Variants in ZDHHC7 observed in about 807,000 individuals in gnomAD.
The protein encoded by ZDHHC7 is zDHHC palmitoyltransferase 7, also known as palmitoyltransferase ZDHHC7.
A neutral mutation model predicts 34.1 loss-of-function variants in ZDHHC7; 12 were observed. That is an observed-to-expected ratio of 0.35 (90% CI 0.23 to 0.57). The LOEUF (loss-of-function observed/expected upper bound fraction) is 0.57. Ranked by LOEUF, ZDHHC7 falls within the 20% of genes least tolerant of loss-of-function variation. The pLI is 0.84. For synonymous variants in ZDHHC7, 185 were observed against 155.4 expected (o/e 1.19, Z -1.42); for missense variants, 388 against 402.7 (o/e 0.96, Z 0.31).
chr16:85,014,995 C>A (rs917269737), upstream of ZDHHC7, among the ~76,000 whole-genome samples: 2 of 151,996 alleles, frequency 1.3e-5, no homozygotes, highest in African/African-American at 4.8e-5. Context: ...GAGTTATTAT[C>A]TAAAGACCTG....
chr16:84,989,992 C>T (rs13333498), intron 3 of ZDHHC7, among the ~76,000 whole-genome samples: 2,955 of 152,198 alleles, frequency 0.019, 93 homozygotes, highest in African/African-American at 0.067. Flanking sequence ...AAGATCTGTA[C>T]GATCGGCCCG....
intron 4 of ZDHHC7, among the ~76,000 whole-genome samples, 198 bp downstream of exon 4, chr16:84,981,672 A>G (rs541035638): frequency 3.9e-5 from 6 of 152,300 alleles, no homozygotes; most frequent in East Asian, 3.9e-4. Context: ...CCAGCTCCCA[A>G]AAAGACTCTA....
chr16:85,013,989 A>G (rs1224016094), upstream of ZDHHC7, among the ~76,000 whole-genome samples: 2 of 152,100 alleles, frequency 1.3e-5, no homozygotes, highest in Non-Finnish European at 2.9e-5. Context: ...CACTCAGCCT[A>G]ATTTGTCTTT....
chr16:85,002,015 A>C (rs116927982), intron 1 of ZDHHC7, among the ~76,000 whole-genome samples: 1 of 152,164 alleles, frequency 6.6e-6, no homozygotes, highest in East Asian at 1.9e-4. Context: ...TCATGGGGAC[A>C]GGTGGGCTCA....
intron 3 of ZDHHC7, among the ~76,000 whole-genome samples, chr16:84,989,916 C>G (rs1215673547): frequency 1.3e-5 from 2 of 152,084 alleles, no homozygotes; most frequent in Non-Finnish European, 2.9e-5. Context: ...AGCTGCTGGG[C>G]GTCTCCTCCG....
the ZDHHC7 span, among the ~76,000 whole-genome samples, chr16:85,021,096 C>T: frequency 6.7e-6 from 1 of 149,968 alleles, no homozygotes; most frequent in South Asian, 2.1e-4. Flanking sequence ...CAGAGCAAGA[C>T]CCTCTCTTAA....
intron 2 of ZDHHC7, among the ~76,000 whole-genome samples, chr16:84,991,962 G>C (rs1438957128): frequency 3.9e-5 from 6 of 152,004 alleles, no homozygotes; most frequent in African/African-American, 1.4e-4. Flanking sequence ...CACTTTGGGA[G>C]GTCAGGAGTT....
chr16:84,999,611 G>A (rs764401595), intron 1 of ZDHHC7, among the ~76,000 whole-genome samples: 13 of 152,094 alleles, frequency 8.5e-5, no homozygotes, highest in Non-Finnish European at 8.8e-5. Flanking sequence ...AGCCAGACAC[G>A]GAAGAATATA....
At chr16:85,014,808 G>A (rs980803942), upstream of ZDHHC7, among the ~76,000 whole-genome samples, 2 of 152,090 alleles carry the variant, frequency 1.3e-5, no homozygotes, top group Admixed American at 6.5e-5. Flanking sequence ...AAGGTGGTTG[G>A]GTCACAGTTT....
At chr16:85,017,265 G>C in the ZDHHC7 span, among the ~76,000 whole-genome samples, 1 of 152,208 alleles carries the variant, frequency 6.6e-6, no homozygotes. Context: ...ATATGAAAGT[G>C]CTCATTCTCA....
intron 3 of ZDHHC7, among the ~76,000 whole-genome samples, chr16:84,989,078 G>A (rs961237296): frequency 6.6e-6 from 1 of 152,202 alleles, no homozygotes; most frequent in African/African-American, 2.4e-5. Context: ...GAAATGACAA[G>A]ACAGGCTTTA....
At chr16:85,023,804 G>A in the ZDHHC7 span, among the ~76,000 whole-genome samples, 1 of 151,842 alleles carries the variant, frequency 6.6e-6, no homozygotes, top group Non-Finnish European at 1.5e-5. Flanking sequence ...ATTTTTGGTA[G>A]AGACGGGGTT....
intron 1 of ZDHHC7, among the ~76,000 whole-genome samples, chr16:85,003,251 G>A (rs2072675551): frequency 2.0e-5 from 3 of 152,174 alleles, no homozygotes; most frequent in African/African-American, 7.2e-5. Context: ...ACTGAGGCTG[G>A]GTCCAGGGGG....
the ZDHHC7 span, among the ~76,000 whole-genome samples, chr16:85,027,317 A>T: frequency 6.6e-6 from 1 of 152,094 alleles, no homozygotes. Context: ...GACTAATTTT[A>T]ATGGTATGTT....
At chr16:85,010,957 T>C (rs1447796107) in intron 1 of ZDHHC7, among the ~76,000 whole-genome samples, 2 of 152,374 alleles carry the variant, frequency 1.3e-5, no homozygotes, top group East Asian at 1.9e-4. Flanking sequence ...ACAGGGTTTA[T>C]AGCTGCTCTG....
At chr16:84,993,154 C>T (rs2072532249) in intron 2 of ZDHHC7, among the ~76,000 whole-genome samples, 1 of 152,040 alleles carries the variant, frequency 6.6e-6, no homozygotes, top group Admixed American at 6.6e-5. Flanking sequence ...AAGACCTCAT[C>T]TCTACAGAAA....
At chr16:85,004,319 C>T (rs1476651143) in intron 1 of ZDHHC7, among the ~76,000 whole-genome samples, 1 of 152,068 alleles carries the variant, frequency 6.6e-6, no homozygotes, top group Non-Finnish European at 1.5e-5. Context: ...ACCTCCTCAC[C>T]CGCCCAGACC....
rs2072431279 is a variant in ZDHHC7, at chr16:84,985,958, A to C, written c.316-3964T>G. ...CAACAGAGTGAGACTGTCTCAAAAA[A>C]AAAAAAAAAAAAAAAAAAGAATTGA... is the stretch of plus-strand genomic sequence containing the variant. On this transcript the variant is annotated intron_variant, in intron 3 of 7. Transcript: ENST00000313732. Among the ~76,000 whole-genome samples the C allele has an allele frequency of 2.0e-5, 3 of 151,060 alleles. No homozygotes were observed. The South Asian group carries it at 6.2e-4, about 31-fold the overall frequency.
intron 3 of ZDHHC7, chr16:84,988,942 C>G (rs865925768): frequency 6.7e-7 from 1 of 1,483,816 alleles, no homozygotes; most frequent in Non-Finnish European, 9.2e-7. Flanking sequence ...TCTCCTTTGT[C>G]GAAGTGCCTG....
Sources: gnomAD v4.1 joint callset for allele counts (sites outside exome capture counted in the v4.1 genomes callset) on GRCh38, gnomAD v4.1.1 for gene constraint, MANE v1.5 for transcripts, NCBI Gene and HGNC (gene_info 2026-07-23, HGNC 2026-07-21) for gene names.